Variants in CLIP4 observed in about 807,000 individuals in gnomAD.
CLIP4 encodes the protein CAP-Gly domain containing linker protein family member 4, also known as CAP-Gly domain-containing linker protein 4.
Under a neutral mutation model 73.1 loss-of-function variants are expected in CLIP4, and 47 were observed. The observed-to-expected ratio is 0.64, with a 90% CI of 0.51 to 0.82. The LOEUF is 0.82. Among genes scored for constraint, CLIP4 ranks in the 40% least tolerant of loss-of-function variants. The pLI is 0.00. For missense variants in CLIP4, 874 were observed against 852.9 expected, an observed-to-expected ratio of 1.02 and a Z score of -0.31; for synonymous variants, 306 against 295.4, an observed-to-expected ratio of 1.04 and a Z score of -0.37.
At chr2:29,131,150 G>T (rs1162126426) in intron 2 of CLIP4, 108 bp from the exon 3 acceptor site, 1 of 992,580 alleles carries the variant, frequency 1.0e-6, no homozygotes, top group Admixed American at 3.1e-5. Flanking sequence ...TTTTTTTTTA[G>T]CATCTAAAAT....
At chr2:29,171,256 C>G (rs1244114834) in intron 14 of CLIP4, among the ~76,000 whole-genome samples, 1 of 152,062 alleles carries the variant, frequency 6.6e-6, no homozygotes, top group Non-Finnish European at 1.5e-5. Context: ...TTATTTATAT[C>G]TTCTTTGATT....
chr2:29,170,315 T>C (rs1330007107), intron 14 of CLIP4, among the ~76,000 whole-genome samples: 1 of 152,206 alleles, frequency 6.6e-6, no homozygotes, highest in East Asian at 1.9e-4. Flanking sequence ...ATTTTTAGTT[T>C]TTTGAAGAAA....
At chr2:29,118,854 G>A (rs908501014) in intron 1 of CLIP4, among the ~76,000 whole-genome samples, 17 of 151,978 alleles carry the variant, frequency 1.1e-4, no homozygotes, top group Admixed American at 2.6e-4. Context: ...TTAACCTGAG[G>A]CTTACTTTAT....
chr2:29,160,263 G>C, intron 11 of CLIP4, 70 bp from the exon 12 acceptor site: 5 of 1,604,506 alleles, frequency 3.1e-6, no homozygotes, highest in Admixed American at 3.4e-5. Flanking sequence ...TGTGCTTTTT[G>C]AGTTTTTCTC....
chr2:29,146,200 A>G (rs1666154018), intron 8 of CLIP4, among the ~76,000 whole-genome samples: 1 of 152,170 alleles, frequency 6.6e-6, no homozygotes, highest in South Asian at 2.1e-4. Flanking sequence ...TCTTGCTGCC[A>G]GCAGTATAGT....
At chr2:29,123,466 A>T (rs1447673704) in intron 2 of CLIP4, among the ~76,000 whole-genome samples, 1 of 152,234 alleles carries the variant, frequency 6.6e-6, no homozygotes, top group Non-Finnish European at 1.5e-5. Context: ...ATTCTGTGGA[A>T]GAAAGAAACA....
chr2:29,156,304 A>T, intron 9 of CLIP4, 50 bp from the exon 10 acceptor site: 1 of 1,265,270 alleles, frequency 7.9e-7, no homozygotes, highest in South Asian at 1.4e-5. Flanking sequence ...AATACATTTT[A>T]TGTTTAATGT....
chr2:29,183,633 A>G lies in CLIP4; in HGVS notation c.*1740A>G, dbSNP rs147608365. On this transcript the variant is annotated 3_prime_UTR_variant, in exon 16 of 16. Coordinates refer to ENST00000320081, the MANE Select transcript of CLIP4 (RefSeq NM_024692.6). ...CAACATTGAATTTATTTTTGAGGTC[A>G]AAGAACCAGTTGTTCTCTTTATATT... 2.5e-4 allele frequency: 38 copies of G among 152,806 alleles called. No homozygotes were observed. The highest frequency in any genetic ancestry group is 9.1e-4 in the African/African-American group (38 of 41,592). 9.5% of individuals were successfully genotyped at this position (152,806 alleles called of 1,614,324 possible).
Position 29,152,800 on chromosome 2 carries a change from A to G in CLIP4, c.1137A>G (p.Val379=), listed in dbSNP as rs1320010955. 1.2e-6 allele frequency: 2 copies of G among 1,613,618 alleles called. No homozygotes were observed. Among genetic ancestry groups the G allele is most frequent in the African/African-American group, 2.7e-5 (2 of 74,918 alleles). The change falls in exon 9 of 16, where the codon GTA becomes GTG. Residue 379 remains valine (V), a synonymous_variant. Transcript: ENST00000320081. ...VPLIRSQKID[V]AHVTSKVNTG... is the part of the protein sequence containing the mutation. ...TCATCAGGTCCCAGAAAATTGACGT[A>G]GCTCATGTGACGTCAAAAGTAAATA... is the stretch of plus-strand genomic sequence containing the variant.
chr2:29,152,569 C>T, intron 8 of CLIP4, 116 bp from the exon 9 acceptor site: 1 of 1,015,486 alleles, frequency 9.8e-7, no homozygotes. Flanking sequence ...CATCATAGGA[C>T]ATGCAGTGGG....
chr2:29,099,993 A>C (rs148802220), intron 1 of CLIP4, among the ~76,000 whole-genome samples: 126 of 152,194 alleles, frequency 8.3e-4, no homozygotes, highest in African/African-American at 2.9e-3. Context: ...CCCATTGTTA[A>C]CTGCTGGTAT....
At chr2:29,142,462 A>G (rs981985754) in intron 6 of CLIP4, among the ~76,000 whole-genome samples, 1 of 152,166 alleles carries the variant, frequency 6.6e-6, no homozygotes, top group Non-Finnish European at 1.5e-5. Context: ...TATTTTAAAA[A>G]TTTTTATGTT....
At position 29,152,787 on chromosome 2, in the gene CLIP4, A is replaced by G. The variant is rs755144900; in HGVS notation, c.1124A>G (p.Gln375Arg). ...GCTGCTGTACCTCTCATCAGGTCCC[A>G]GAAAATTGACGTAGCTCATGTGACG... ...TKAAVPLIRS[Q>R]KIDVAHVTSK... is the part of the protein sequence containing the mutation. Residue 375 changes from glutamine (Q) to arginine (R), a missense_variant, in exon 9 of 16, where the codon CAG becomes CGG. Coordinates refer to ENST00000320081, the MANE Select transcript of CLIP4 (RefSeq NM_024692.6). 12 of 1,613,888 alleles carry G rather than the reference A, an allele frequency of 7.4e-6. No individual in the cohort carries two copies. The highest frequency in any genetic ancestry group is 5.0e-5 in the Admixed American group (3 of 59,994).
rs374016896 is a variant in CLIP4, at chr2:29,099,345, T to C, written c.-16+1398T>C. On this transcript the variant is annotated intron_variant, in intron 1 of 14. Transcript: ENST00000401605. ...ATGTTTTATAGTTTTGAATTTTACG[T>C]TTATGTCCACGATCCATTTTGAGTT... 5.3e-5 allele frequency among the ~76,000 whole-genome samples: 8 copies of C among 152,368 alleles called. No homozygotes were observed. In the South Asian group the frequency reaches 1.7e-3, roughly 32 times the overall value.
intron 14 of CLIP4, 37 bp from the exon 15 acceptor site, chr2:29,174,336 A>G: frequency 6.7e-7 from 1 of 1,492,922 alleles, no homozygotes; most frequent in Non-Finnish European, 9.2e-7. Flanking sequence ...CTGAAAGCTT[A>G]TATTTTTCCT....
intron 9 of CLIP4, among the ~76,000 whole-genome samples, chr2:29,155,751 G>C (rs1666883110): frequency 1.3e-5 from 2 of 152,152 alleles, no homozygotes; most frequent in Non-Finnish European, 2.9e-5. Flanking sequence ...ATGTCTGACT[G>C]GTCCCTGCTT....
At chr2:29,142,570 G>C (rs956825873) in intron 6 of CLIP4, among the ~76,000 whole-genome samples, 2 of 152,048 alleles carry the variant, frequency 1.3e-5, no homozygotes, top group Admixed American at 1.3e-4. Flanking sequence ...GGGATTAGAA[G>C]AGTCCATTAC....
chr2:29,172,553 T>C (rs959303894), intron 14 of CLIP4, among the ~76,000 whole-genome samples: 1 of 152,194 alleles, frequency 6.6e-6, no homozygotes, highest in Non-Finnish European at 1.5e-5. Flanking sequence ...AGATTTCTTT[T>C]TGTTTATCCT....
intron 12 of CLIP4, among the ~76,000 whole-genome samples, chr2:29,161,174 A>G (rs112409066): frequency 6.6e-6 from 1 of 152,274 alleles, no homozygotes; most frequent in African/African-American, 2.4e-5. Flanking sequence ...GTATTTCTCC[A>G]TGTTGGCCAG....
Sources: gnomAD v4.1 joint callset for allele counts (sites outside exome capture counted in the v4.1 genomes callset) on GRCh38, gnomAD v4.1.1 for gene constraint, MANE v1.5 for transcripts, NCBI Gene and HGNC (gene_info 2026-07-23, HGNC 2026-07-21) for gene names.